Variants in WAPL observed in about 807,000 individuals in gnomAD.
WAPL encodes the protein wings apart-like protein homolog.
Under a neutral mutation model 121.0 loss-of-function variants are expected in WAPL, and 5 were observed. That is an observed-to-expected ratio of 0.04 (90% CI 0.02 to 0.09). The LOEUF is 0.09. Among genes scored for constraint, WAPL ranks in the 10% least tolerant of loss-of-function variants. WAPL has a pLI of 1.00. For synonymous variants in WAPL, 480 were observed against 481.5 expected (o/e 1.00, Z 0.04); for missense variants, 999 against 1,410.8 (o/e 0.71, Z 4.68).
In WAPL at chr10:86,473,979, G is replaced by A; in HGVS notation, c.1645-6C>T. The A allele has an allele frequency of 6.2e-7, 1 of 1,608,504 alleles. No individual in the cohort carries two copies. Among genetic ancestry groups the A allele is most frequent in the Non-Finnish European group, 8.5e-7 (1 of 1,175,402 alleles). ...TATACAGCTTTTGTGGGTGACTAGA[G>A]AAATGAGAGAAAGATCAACTGCTTC... On this transcript the variant is annotated splice_polypyrimidine_tract_variant and splice_region_variant and intron_variant, in intron 4 of 18. Coordinates refer to ENST00000298767, the MANE Select transcript of WAPL (RefSeq NM_015045.5).
chr10:86,515,677 G>A (rs1213007643), intron 2 of WAPL, among the ~76,000 whole-genome samples: 1 of 151,958 alleles, frequency 6.6e-6, no homozygotes, highest in Non-Finnish European at 1.5e-5. Flanking sequence ...AGCTACTGGG[G>A]AGGCTGAGGT....
intron 2 of WAPL, among the ~76,000 whole-genome samples, chr10:86,506,525 A>C (rs1842351976): frequency 6.6e-6 from 1 of 152,234 alleles, no homozygotes; most frequent in Admixed American, 6.5e-5. Context: ...CTGTAATCCC[A>C]GCACTTGGGG....
At chr10:86,467,247 C>A (rs377668899) in intron 9 of WAPL, 32 bp downstream of exon 9, 71 of 1,586,068 alleles carry the variant, frequency 4.5e-5, no homozygotes, top group Non-Finnish European at 5.7e-5. Flanking sequence ...GAAAGTAATT[C>A]TCATCTTAGA....
chr10:86,441,856 T>C (rs1022398120), intron 17 of WAPL, among the ~76,000 whole-genome samples: 1 of 151,780 alleles, frequency 6.6e-6, no homozygotes, highest in African/African-American at 2.4e-5. Flanking sequence ...TACAGAAAAA[T>C]AATAAAGACA....
chr10:86,486,273 G>A (rs1841929538), intron 4 of WAPL, among the ~76,000 whole-genome samples: 1 of 152,180 alleles, frequency 6.6e-6, no homozygotes, highest in African/African-American at 2.4e-5. Flanking sequence ...GGTTCTAACT[G>A]CTAAAGGAAG....
chr10:86,479,323 T>C (rs1259689617), intron 4 of WAPL, among the ~76,000 whole-genome samples: 1 of 152,176 alleles, frequency 6.6e-6, no homozygotes, highest in Non-Finnish European at 1.5e-5. Flanking sequence ...AATGGTGTGA[T>C]TTCGGCTCAC....
chr10:86,449,204 T>A (rs115611359), intron 15 of WAPL, among the ~76,000 whole-genome samples: 133 of 152,346 alleles, frequency 8.7e-4, no homozygotes, highest in Middle Eastern at 3.4e-3. Context: ...ATACGTAATT[T>A]GAAAATTACT....
In WAPL at chr10:86,521,688, G is replaced by A. The variant is rs753418844; in HGVS notation, c.-346C>T. The A allele has an allele frequency of 1.1e-4, 53 of 464,144 alleles. No individual in the cohort carries two copies. The highest frequency in any genetic ancestry group is 5.8e-4 in the South Asian group (37 of 63,544). 28.8% of individuals were successfully genotyped at this position (464,144 alleles called of 1,614,324 possible). On this transcript the variant is annotated 5_prime_UTR_variant, in exon 1 of 19. Coordinates refer to ENST00000298767, the MANE Select transcript of WAPL (RefSeq NM_015045.5). ...CGCCTCCTGCGCCGCCGCTTCCGCC[G>A]GTGAATGGTCAGTGCTGGAGTTTGA...
At chr10:86,445,628 A>T (rs1849597202) in intron 16 of WAPL, among the ~76,000 whole-genome samples, 1 of 152,018 alleles carries the variant, frequency 6.6e-6, no homozygotes, top group Admixed American at 6.6e-5. Context: ...CAGCTCAAGC[A>T]ATCCTCCCAC....
intron 3 of WAPL, among the ~76,000 whole-genome samples, chr10:86,499,296 A>G (rs951749658): frequency 6.6e-6 from 1 of 152,194 alleles, no homozygotes; most frequent in Admixed American, 6.5e-5. Context: ...TTTAATAAAT[A>G]TAACAAGCTA....
intron 4 of WAPL, among the ~76,000 whole-genome samples, chr10:86,475,623 A>C (rs1275428857): frequency 6.6e-6 from 1 of 152,270 alleles, no homozygotes; most frequent in Non-Finnish European, 1.5e-5. Context: ...ATCTGAAACA[A>C]TTTATGCACT....
chr10:86,510,290 G>C (rs531996217), intron 2 of WAPL, among the ~76,000 whole-genome samples: 1 of 152,084 alleles, frequency 6.6e-6, no homozygotes, highest in African/African-American at 2.4e-5. Flanking sequence ...GGTCAGGCTG[G>C]TTTCGAACTC....
At chr10:86,491,497 G>A (rs1345455173) in intron 4 of WAPL, among the ~76,000 whole-genome samples, 1 of 151,954 alleles carries the variant, frequency 6.6e-6, no homozygotes, top group African/African-American at 2.4e-5. Flanking sequence ...TTGATGCGAT[G>A]AACACACTCA....
At chr10:86,477,822 G>A (rs1017736005) in intron 4 of WAPL, among the ~76,000 whole-genome samples, 3 of 151,994 alleles carry the variant, frequency 2.0e-5, no homozygotes, top group Non-Finnish European at 4.4e-5. Flanking sequence ...GCTCACGCCT[G>A]TAATCCTAGC....
At chr10:86,450,480 C>T (rs1840950729) in intron 15 of WAPL, among the ~76,000 whole-genome samples, 1 of 152,190 alleles carries the variant, frequency 6.6e-6, no homozygotes. Flanking sequence ...AAACAATCCA[C>T]CCACCTTGGC....
At chr10:86,508,745 A>G (rs1412600981) in intron 2 of WAPL, among the ~76,000 whole-genome samples, 2 of 142,142 alleles carry the variant, frequency 1.4e-5, no homozygotes, top group Admixed American at 7.3e-5. Flanking sequence ...CCCCTCCATT[A>G]GTATTGAAAG....
chr10:86,501,609 A>T lies in WAPL; in HGVS notation c.500-866T>A, dbSNP rs1378423895. On this transcript the variant is annotated intron_variant, in intron 2 of 18. Coordinates refer to ENST00000298767, the MANE Select transcript of WAPL (RefSeq NM_015045.5). ...AAGCTATTTACAAATCTCAATTAGC[A>T]TCATCAAATACAGGTGAGAGGGATG... 3.3e-5 allele frequency among the ~76,000 whole-genome samples: 5 copies of T among 152,356 alleles called. No individual in the cohort carries two copies. The East Asian group carries it at 5.8e-4, about 18-fold the overall frequency.
intron 2 of WAPL, among the ~76,000 whole-genome samples, chr10:86,509,588 A>G (rs1842415937): frequency 6.6e-6 from 1 of 152,184 alleles, no homozygotes; most frequent in South Asian, 2.1e-4. Flanking sequence ...AAGTGAGTCC[A>G]TCTTGTTCAT....
At chr10:86,473,619 A>G (rs1029647718) in intron 5 of WAPL, among the ~76,000 whole-genome samples, 1 of 152,316 alleles carries the variant, frequency 6.6e-6, no homozygotes, top group African/African-American at 2.4e-5. Flanking sequence ...AATTCCATGA[A>G]ATGTGGGTCA....
Sources: allele counts gnomAD v4.1 joint callset (sites outside exome capture counted in the v4.1 genomes callset), GRCh38; gene constraint gnomAD v4.1.1; transcripts MANE v1.5; gene names NCBI Gene and HGNC (gene_info 2026-07-23, HGNC 2026-07-21).